The following FBXW8 variants were observed in gnomAD, a reference collection of about 807,000 sequenced individuals.
FBXW8 encodes F-box and WD repeat domain containing 8.
Under a neutral mutation model 65.3 loss-of-function variants are expected in FBXW8, and 57 were observed. The observed-to-expected ratio is 0.87, with a 90% CI of 0.71 to 1.09. The LOEUF (loss-of-function observed/expected upper bound fraction) is 1.09. FBXW8 is among the 50% of genes least tolerant of loss of function. FBXW8 has a pLI of 0.00. For missense variants in FBXW8, 777 were observed against 814.8 expected, an observed-to-expected ratio of 0.95 and a Z score of 0.57; for synonymous variants, 308 against 330.2, an observed-to-expected ratio of 0.93 and a Z score of 0.73.
intron 5 of FBXW8, among the ~76,000 whole-genome samples, chr12:116,977,138 G>T (rs1479156820): frequency 6.6e-6 from 1 of 152,126 alleles, no homozygotes; most frequent in East Asian, 1.9e-4. Context: ...TTCTTATTTG[G>T]TGTTAGGTAA....
intron 1 of FBXW8, among the ~76,000 whole-genome samples, chr12:116,914,109 A>C (rs1565894446): frequency 6.6e-6 from 1 of 152,096 alleles, no homozygotes; most frequent in Non-Finnish European, 1.5e-5. Flanking sequence ...TGGTTCTACA[A>C]AAAATTTAAA....
chr12:116,939,785 G>C (rs1189133295), intron 2 of FBXW8, among the ~76,000 whole-genome samples: 2 of 152,130 alleles, frequency 1.3e-5, no homozygotes, highest in Non-Finnish European at 2.9e-5. Context: ...CCAGGGCTCG[G>C]TTAGGGGACA....
rs199638119 is a variant in FBXW8 at position 116,970,495 on chromosome 12, C to T, written c.835+5641C>T. 2.0e-4 allele frequency among the ~76,000 whole-genome samples: 30 copies of T among 152,242 alleles called. No individual in the cohort carries two copies. In the East Asian group the frequency reaches 4.8e-3, roughly 24 times the overall value. ...CATTTACTGACGTATCAACAATGGA[C>T]GGGGGTGGGTCTCTCCAAGCTGCTT... is the stretch of plus-strand genomic sequence containing the variant. On this transcript the variant is annotated intron_variant, in intron 5 of 10. Transcript: ENST00000652555.
Position 117,028,662 on chromosome 12 carries a change from C to CACTT in FBXW8, c.*491_*494dup, listed in dbSNP as rs1237403004. 6.3e-6 allele frequency: 1 copy of CACTT among 158,314 alleles called. No homozygotes were observed. The highest frequency in any genetic ancestry group is 1.4e-5 in the Non-Finnish European group (1 of 71,218). 9.8% of individuals were successfully genotyped at this position (158,314 alleles called of 1,614,324 possible). A position where few individuals can be genotyped will look rare whatever the true frequency, so the allele number is the denominator to read the frequency against. On this transcript the variant is annotated 3_prime_UTR_variant, in exon 11 of 11. Coordinates refer to ENST00000652555, the MANE Select transcript of FBXW8 (RefSeq NM_153348.3). This position sits in a 1 kb window ranked among gnomAD's most constrained non-coding sequence, Gnocchi z 4.1. ...ATTTACTTGGGGTGCTCTTCTGTGACACTTGCCACCACCACCTTCCAGTAG... is the reference window on the plus strand; with the variant it reads ...ATTTACTTGGGGTGCTCTTCTGTGACACTTACTTGCCACCACCACCTTCCAGTAG...
intron 2 of FBXW8, among the ~76,000 whole-genome samples, chr12:116,930,631 CA>C (rs1881695771): frequency 6.6e-6 from 1 of 152,034 alleles, no homozygotes; most frequent in Admixed American, 6.6e-5. Context: ...CTTTGCTGTA[CA>C]AAAGCTTTTT....
chr12:116,952,079 TG>T lies in FBXW8; in HGVS notation c.677+2374del, dbSNP rs1883322120. Among the ~76,000 whole-genome samples the T allele has an allele frequency of 3.3e-5, 5 of 152,368 alleles. No individual in the cohort carries two copies. The South Asian group carries it at 1.0e-3, about 32-fold the overall frequency. ...CTTTTTCCTTATTACACTTTTCAAG[TG>T]TACCTTTGTTTTTTCCACACTGTTC... On this transcript the variant is annotated intron_variant, in intron 4 of 10. Transcript: ENST00000652555.
At chr12:117,009,239 T>C (rs1024621899) in intron 7 of FBXW8, among the ~76,000 whole-genome samples, 3 of 151,918 alleles carry the variant, frequency 2.0e-5, no homozygotes, top group Non-Finnish European at 4.4e-5. Flanking sequence ...GAAAGAAAGA[T>C]ATCATCAGCA....
At chr12:117,006,381 G>A (rs1256542295) in intron 7 of FBXW8, among the ~76,000 whole-genome samples, 1 of 152,244 alleles carries the variant, frequency 6.6e-6, no homozygotes, top group Non-Finnish European at 1.5e-5. Context: ...GGTGAAGGAA[G>A]AAGTTGGTCT....
At chr12:117,010,245 A>G in intron 7 of FBXW8, 78 bp from the exon 8 acceptor site, 1 of 1,600,382 alleles carries the variant, frequency 6.2e-7, no homozygotes, top group Non-Finnish European at 8.5e-7. Context: ...CATGCCCTCC[A>G]CGATGGTGAA....
chr12:116,929,520 C>G (rs1881603326), intron 2 of FBXW8, among the ~76,000 whole-genome samples: 1 of 150,724 alleles, frequency 6.6e-6, no homozygotes, highest in African/African-American at 2.4e-5. Context: ...CAGGCATGAG[C>G]CACTGGGCCT....
intron 5 of FBXW8, chr12:116,978,583 A>G (rs143034072): frequency 6.6e-6 from 1 of 152,312 alleles, no homozygotes; most frequent in African/African-American, 2.4e-5. Context: ...GATCCTGTCT[A>G]TTTAACGATC....
chr12:116,929,384 G>A (rs1390965762), intron 2 of FBXW8, among the ~76,000 whole-genome samples: 1 of 151,966 alleles, frequency 6.6e-6, no homozygotes, highest in East Asian at 1.9e-4. Flanking sequence ...ACAGGCTCAT[G>A]CCACCACATG....
In FBXW8 at chr12:117,024,167, G is replaced by C. The variant is rs186364302; in HGVS notation, c.1388G>C (p.Arg463Pro). 1 of 1,613,990 alleles carries C rather than the reference G, an allele frequency of 6.2e-7. No individual in the cohort carries two copies. Among genetic ancestry groups the C allele is most frequent in the East Asian group, 2.2e-5 (1 of 44,878 alleles). ...MDGRVRIHDL[R>P]SGNIALSLSA... ...TCCAGGGTGAGGATCCACGACCTCC[G>C]CAGTGGTAACATCGCCCTGTCGCTC... The change falls in exon 9 of 11, where the codon CGC becomes CCC. Residue 463 changes from arginine (R) to proline (P), a missense_variant. Physicochemically the swap from Arg to Pro is moderately radical, Grantham distance 103 (BLOSUM62 -2). Transcript: ENST00000652555.
chr12:117,012,010 T>G (rs1012982616), intron 8 of FBXW8, among the ~76,000 whole-genome samples: 2 of 152,196 alleles, frequency 1.3e-5, no homozygotes, highest in African/African-American at 4.8e-5. Flanking sequence ...GGAGGATGTG[T>G]GTAGGTTATA....
intron 5 of FBXW8, among the ~76,000 whole-genome samples, chr12:116,965,813 C>A (rs1009086545): frequency 2.6e-5 from 4 of 152,172 alleles, no homozygotes; most frequent in Admixed American, 1.3e-4. Context: ...GGCTAGAGTG[C>A]AGTGGCACTA....
At chr12:116,962,821 A>C (rs1399075498) in intron 4 of FBXW8, among the ~76,000 whole-genome samples, 2 of 151,998 alleles carry the variant, frequency 1.3e-5, no homozygotes. Flanking sequence ...AAGTGGCCTT[A>C]CTCCAGCAAA....
intron 4 of FBXW8, chr12:116,950,337 T>C (rs1883197234): frequency 6.6e-6 from 1 of 152,388 alleles, no homozygotes; most frequent in African/African-American, 2.4e-5. Flanking sequence ...GTTTTCTTTT[T>C]GGATTAGGAA....
chr12:117,010,797 C>T (rs2135709951), intron 8 of FBXW8, among the ~76,000 whole-genome samples: 1 of 152,358 alleles, frequency 6.6e-6, no homozygotes, highest in African/African-American at 2.4e-5. Flanking sequence ...ATATTAAAAA[C>T]AGTAACCTAA....
intron 4 of FBXW8, 177 bp downstream of exon 4, chr12:116,949,883 G>T: frequency 1.6e-6 from 1 of 629,546 alleles, no homozygotes; most frequent in South Asian, 1.8e-5. Flanking sequence ...GTGAGAGCGC[G>T]CAGCAAGGGT....
Sources: gnomAD v4.1 joint callset for allele counts (sites outside exome capture counted in the v4.1 genomes callset) on GRCh38, gnomAD v4.1.1 for gene constraint, Gnocchi (gnomAD v3.1) non-coding constraint, MANE v1.5 for transcripts, NCBI Gene and HGNC (gene_info 2026-07-23, HGNC 2026-07-21) for gene names.